Variants in KDM4C observed in about 807,000 individuals in gnomAD.
The protein encoded by KDM4C is lysine demethylase 4C, also known as lysine-specific demethylase 4C.
KDM4C carries 81 observed loss-of-function variants against 129.3 expected under a neutral mutation model. The observed-to-expected ratio is 0.63, with a 90% CI of 0.52 to 0.75. The LOEUF is 0.75. Among genes scored for constraint, KDM4C ranks in the 30% least tolerant of loss-of-function variants. The pLI, the probability that KDM4C is intolerant of heterozygous loss-of-function variation, is 0.00. For synonymous variants in KDM4C, 573 were observed against 456.1 expected, an observed-to-expected ratio of 1.26 and a Z score of -3.26; for missense variants, 1,457 against 1,304.0, an observed-to-expected ratio of 1.12 and a Z score of -1.81.
intron 1 of KDM4C, among the ~76,000 whole-genome samples, chr9:6,746,190 C>G (rs1176528002): frequency 2.0e-5 from 3 of 151,610 alleles, no homozygotes; most frequent in Non-Finnish European, 4.4e-5. Context: ...ATCTGCCCAC[C>G]TCGGTCTCCC....
intron 4 of KDM4C, among the ~76,000 whole-genome samples, chr9:6,822,857 C>G (rs1377961813): frequency 6.6e-6 from 1 of 152,198 alleles, no homozygotes; most frequent in Non-Finnish European, 1.5e-5. Context: ...GCCATGTACA[C>G]CTGCATCGAC....
intron 15 of KDM4C, among the ~76,000 whole-genome samples, chr9:7,040,672 G>C (rs932700976): frequency 1.3e-5 from 2 of 151,584 alleles, no homozygotes; most frequent in African/African-American, 4.8e-5. Context: ...TAGACTTTTA[G>C]GCTGGCTGCT....
intron 17 of KDM4C, among the ~76,000 whole-genome samples, chr9:7,063,225 C>G (rs1409223035): frequency 6.6e-6 from 1 of 152,118 alleles, no homozygotes; most frequent in Non-Finnish European, 1.5e-5. Context: ...GCTTTCAGTT[C>G]TGGATTTAGT....
intron 15 of KDM4C, among the ~76,000 whole-genome samples, chr9:7,031,289 A>G (rs951089810): frequency 6.6e-6 from 1 of 151,806 alleles, no homozygotes; most frequent in Non-Finnish European, 1.5e-5. Flanking sequence ...CAGCCTCCTG[A>G]GTAGCTGGGA....
chr9:7,107,285 A>G (rs1406805336), intron 18 of KDM4C, among the ~76,000 whole-genome samples: 1 of 152,264 alleles, frequency 6.6e-6, no homozygotes, highest in Non-Finnish European at 1.5e-5. Flanking sequence ...TAAGGAAAAG[A>G]CAACACAATA....
rs1334850754 is a variant in KDM4C at position 6,834,654 on chromosome 9, T to A, written c.436-14853T>A. ...TAGAGCAAGAGAGGCATCCTGACCC[T>A]GAAGTGCCTCATCGAGCATGGCATC... On this transcript the variant is annotated intron_variant, in intron 4 of 21. Coordinates refer to ENST00000381309, the MANE Select transcript of KDM4C (RefSeq NM_015061.6). 1.9e-5 allele frequency: 15 copies of A among 791,524 alleles called. No homozygotes were observed. The Admixed American group carries it at 2.4e-4, about 13-fold the overall frequency. The allele number at this position is 791,524 out of a possible 1,614,324, so 49.0% of individuals were successfully genotyped here. A position where few individuals can be genotyped will look rare whatever the true frequency, so the allele number is the denominator to read the frequency against.
chr9:6,734,725 C>G (rs913779159), intron 1 of KDM4C: 1 of 304,534 alleles, frequency 3.3e-6, no homozygotes, highest in South Asian at 3.2e-5. Context: ...AGGATTTTTT[C>G]TGTGTCCTGA....
chr9:6,740,675 C>T (rs1171015364), intron 1 of KDM4C, among the ~76,000 whole-genome samples: 1 of 151,950 alleles, frequency 6.6e-6, no homozygotes. Context: ...CGCGCCACCA[C>T]ATCCAGCAAA....
At chr9:6,978,882 C>A (rs945246860) in intron 8 of KDM4C, 2 of 152,122 alleles carry the variant, frequency 1.3e-5, no homozygotes, top group African/African-American at 4.8e-5. Context: ...GGCTTATCTG[C>A]TGTTTCTGTT....
intron 8 of KDM4C, among the ~76,000 whole-genome samples, chr9:6,964,040 C>CTAT (rs144870425): frequency 6.6e-6 from 1 of 151,824 alleles, no homozygotes; most frequent in Non-Finnish European, 1.5e-5. Context: ...TAATATTTTA[C>CTAT]TATTATTATT....
chr9:7,128,786 G>T (rs757850579), intron 19 of KDM4C, among the ~76,000 whole-genome samples: 3 of 151,828 alleles, frequency 2.0e-5, no homozygotes, highest in Non-Finnish European at 4.4e-5. Context: ...GTGTGTGTGC[G>T]TGCGCGTGTG....
intron 8 of KDM4C, among the ~76,000 whole-genome samples, chr9:6,900,843 C>T (rs1439195807): frequency 3.3e-5 from 5 of 152,060 alleles, no homozygotes; most frequent in African/African-American, 7.2e-5. Flanking sequence ...AGTTCTGAGG[C>T]ATCTGTCTGG....
At chr9:7,157,357 C>T in intron 19 of KDM4C, among the ~76,000 whole-genome samples, 1 of 152,160 alleles carries the variant, frequency 6.6e-6, no homozygotes, top group East Asian at 1.9e-4. Context: ...CTTTCTCTTG[C>T]CTGATTGCCC....
chr9:7,108,052 G>A (rs1837897214), intron 18 of KDM4C, among the ~76,000 whole-genome samples: 1 of 152,140 alleles, frequency 6.6e-6, no homozygotes. Flanking sequence ...CTTATTCAGA[G>A]CAGTGTTTTT....
At chr9:6,961,138 A>C (rs1374945837) in intron 8 of KDM4C, among the ~76,000 whole-genome samples, 1 of 152,222 alleles carries the variant, frequency 6.6e-6, no homozygotes, top group Non-Finnish European at 1.5e-5. Context: ...TGAGTTTGCA[A>C]ACATTTGACA....
chr9:6,845,212 CATTG>C (rs1160780506), intron 4 of KDM4C, among the ~76,000 whole-genome samples: 4 of 151,982 alleles, frequency 2.6e-5, no homozygotes, highest in Non-Finnish European at 5.9e-5. Flanking sequence ...TTTAGGAATG[CATTG>C]ATTGATTGAC....
At chr9:6,905,612 C>G (rs944559182) in intron 8 of KDM4C, among the ~76,000 whole-genome samples, 9 of 152,320 alleles carry the variant, frequency 5.9e-5, no homozygotes, top group Middle Eastern at 3.4e-3. Flanking sequence ...ATGACCAAGA[C>G]TTCGTAACAG....
intron 15 of KDM4C, among the ~76,000 whole-genome samples, chr9:7,024,908 C>T (rs1290780191): frequency 6.6e-6 from 1 of 152,228 alleles, no homozygotes; most frequent in Non-Finnish European, 1.5e-5. Flanking sequence ...GGAATCGCCA[C>T]ACCAACTTCC....
chr9:7,004,043 C>G (rs530703183), intron 12 of KDM4C, among the ~76,000 whole-genome samples: 1 of 152,186 alleles, frequency 6.6e-6, no homozygotes, highest in East Asian at 1.9e-4. Context: ...GCTGTACCAG[C>G]CAAAACACCT....
Sources: allele counts gnomAD v4.1 joint callset (sites outside exome capture counted in the v4.1 genomes callset), GRCh38; gene constraint gnomAD v4.1.1; transcripts MANE v1.5; gene names NCBI Gene and HGNC (gene_info 2026-07-23, HGNC 2026-07-21).